The following C9orf43 variants were observed in gnomAD, a reference collection of about 807,000 sequenced individuals.
The protein encoded by C9orf43 is uncharacterized protein C9orf43.
In C9orf43, 45 loss-of-function variants were observed where a neutral mutation model predicts 59.1. The ratio of observed to expected loss-of-function variants is 0.76; its 90% confidence interval spans 0.60 to 0.98. The LOEUF is 0.98. C9orf43 is among the 50% of genes least tolerant of loss of function. The probability of loss-of-function intolerance (pLI) is 0.00; values close to 1 mark genes in which losing one functional copy is unlikely to be tolerated. For missense variants in C9orf43, 533 were observed against 554.9 expected (o/e 0.96, Z 0.40); for synonymous variants, 203 against 196.8 (o/e 1.03, Z -0.26).
At chr9:113,429,072 A>G in intron 13 of C9orf43, 100 bp from the exon 14 acceptor site, 1 of 1,496,636 alleles carries the variant, frequency 6.7e-7, no homozygotes, top group East Asian at 2.3e-5. Context: ...CCTCTATCTC[A>G]GAGAAGTCCT....
intron 3 of C9orf43, among the ~76,000 whole-genome samples, chr9:113,414,366 C>G (rs2119057474): frequency 6.6e-6 from 1 of 152,136 alleles, no homozygotes; most frequent in South Asian, 2.1e-4. Flanking sequence ...CCTCAACTTT[C>G]TGGGCTCAAG....
Position 113,425,043 on chromosome 9 carries a change from C to A in C9orf43, c.832C>A (p.Arg278Ser). ...GAGACCAGCACTGCGATATCCTGAACGTTTGAAGAAATTACATAACCTGAA... is the reference window on the plus strand; with the variant it reads ...GAGACCAGCACTGCGATATCCTGAAAGTTTGAAGAAATTACATAACCTGAA... ...LERPALRYPE[R>S]LKKLHNLKTE... The change falls in exon 9 of 14, where the codon CGT (arginine) becomes AGT (serine). Residue 278 changes from arginine to serine, a missense_variant. Coordinates refer to ENST00000374165, the MANE Select transcript of C9orf43 (RefSeq NM_001278629.2). 6.2e-7 allele frequency: 1 copy of A among 1,612,796 alleles called. No individual in the cohort carries two copies. Among genetic ancestry groups the A allele is most frequent in the Non-Finnish European group, 8.5e-7 (1 of 1,179,920 alleles).
Position 113,423,515 on chromosome 9 carries a change from T to C in C9orf43, c.656+17T>C. The C allele has an allele frequency of 6.2e-7, 1 of 1,603,482 alleles. No individual in the cohort carries two copies. Among genetic ancestry groups the C allele is most frequent in the South Asian group, 1.1e-5 (1 of 90,878 alleles). ...ACTGAAGGAGTAAGTATCATGTAGG[T>C]CTGTGGGAGAGCCAGAGCACCTGCT... On this transcript the variant is annotated intron_variant, in intron 7 of 13. Coordinates refer to ENST00000374165, the MANE Select transcript of C9orf43 (RefSeq NM_001278629.2).
intron 3 of C9orf43, among the ~76,000 whole-genome samples, chr9:113,417,899 C>CT (rs1828427654): frequency 6.6e-6 from 1 of 152,092 alleles, no homozygotes. Flanking sequence ...AGTGTTAGGT[C>CT]TTTATCTTTT....
At position 113,424,248 on chromosome 9, in the gene C9orf43, G is replaced by C; in HGVS notation, c.739G>C (p.Glu247Gln). ...LAMMKKNLPL[E>Q]KNRPDSVISS... ...CATGATGAAAAAGAATCTTCCCTTG[G>C]AAAAGAACCGACCTGACAGTGTGAT... Residue 247 changes from glutamate (E) to glutamine (Q), a missense_variant, in exon 8 of 14, where the codon GAA becomes CAA. Coordinates refer to ENST00000374165, the MANE Select transcript of C9orf43 (RefSeq NM_001278629.2). 1 of 1,614,026 alleles carries C rather than the reference G, an allele frequency of 6.2e-7. No homozygotes were observed. Among genetic ancestry groups the C allele is most frequent in the Non-Finnish European group, 8.5e-7 (1 of 1,179,956 alleles).
chr9:113,412,559 A>C (rs1259516031), intron 1 of C9orf43, among the ~76,000 whole-genome samples: 2 of 152,342 alleles, frequency 1.3e-5, no homozygotes, highest in African/African-American at 2.4e-5. Context: ...ATTGCCTAAA[A>C]CACCTCTAGA....
chr9:113,421,147 A>G lies in C9orf43; in HGVS notation c.390A>G (p.Glu130=), dbSNP rs1828551538. ...ATGAGACGCAACTTCCCTGCCCTGAAGATGTTAGAAATATGGTTGTATTGT... is the reference window on the plus strand; with the variant it reads ...ATGAGACGCAACTTCCCTGCCCTGAGGATGTTAGAAATATGGTTGTATTGT... ...NLNETQLPCP[E]DVRNMVVLWI... The change falls in exon 5 of 14, where the codon GAA becomes GAG. Residue 130 remains glutamate (E), a synonymous_variant. Transcript: ENST00000374165. 1 of 1,613,648 alleles carries G rather than the reference A, an allele frequency of 6.2e-7. No homozygotes were observed. Among genetic ancestry groups the G allele is most frequent in the African/African-American group, 1.3e-5 (1 of 74,828 alleles).
At chr9:113,427,250 A>C (rs1828825215) in intron 11 of C9orf43, among the ~76,000 whole-genome samples, 1 of 150,162 alleles carries the variant, frequency 6.7e-6, no homozygotes, top group Non-Finnish European at 1.5e-5. Flanking sequence ...GCTCACCACA[A>C]CCTCTGCCTT....
intron 4 of C9orf43, among the ~76,000 whole-genome samples, chr9:113,419,637 C>T (rs1242622796): frequency 1.3e-5 from 2 of 151,876 alleles, no homozygotes; most frequent in Admixed American, 1.3e-4. Context: ...ATATTTTCTG[C>T]CCTATTCTGT....
intron 3 of C9orf43, among the ~76,000 whole-genome samples, chr9:113,417,756 G>C (rs1276962434): frequency 6.6e-6 from 1 of 152,204 alleles, no homozygotes; most frequent in Non-Finnish European, 1.5e-5. Flanking sequence ...AATTGTGTCT[G>C]TATCAGGAAA....
Position 113,423,342 on chromosome 9 carries a change from T to C in C9orf43, c.500T>C (p.Leu167Pro). 1 of 1,613,920 alleles carries C rather than the reference T, an allele frequency of 6.2e-7. No homozygotes were observed. The highest frequency in any genetic ancestry group is 8.5e-7 in the Non-Finnish European group (1 of 1,179,848). Residue 167 changes from leucine to proline, a missense_variant, in exon 7 of 14, where the codon CTG (leucine) becomes CCG (proline). Transcript: ENST00000374165. ...KNSAVKSKSF[L>P]GLSGNQSAGT... ...CTCTTCCAGAAAAGCAAGTCATTTCTGGGTCTCTCTGGAAATCAGTCCGCA... is the reference window on the plus strand; with the variant it reads ...CTCTTCCAGAAAAGCAAGTCATTTCCGGGTCTCTCTGGAAATCAGTCCGCA...
intron 8 of C9orf43, 91 bp from the exon 9 acceptor site, chr9:113,424,928 T>A: frequency 1.8e-6 from 2 of 1,108,250 alleles, no homozygotes; most frequent in Non-Finnish European, 2.6e-6. Context: ...ATGTGCTTGT[T>A]GACTGGATGA....
At chr9:113,414,033 A>C in intron 3 of C9orf43, 139 bp downstream of exon 3, 1 of 913,946 alleles carries the variant, frequency 1.1e-6, no homozygotes, top group Non-Finnish European at 1.6e-6. Context: ...GTGAATAGGC[A>C]GTGGGAAACA....
chr9:113,415,811 C>G (rs1254701973), intron 3 of C9orf43, among the ~76,000 whole-genome samples: 3 of 152,128 alleles, frequency 2.0e-5, no homozygotes, highest in Non-Finnish European at 4.4e-5. Flanking sequence ...AATAAAGCAC[C>G]AGTGGTGGCT....
In C9orf43 at chr9:113,423,433, ATTCAG is replaced by A. The variant is rs1564410670; in HGVS notation, c.597_601del (p.Ser199ArgfsTer52). On this transcript the variant is annotated frameshift_variant, in exon 7 of 14. Transcript: ENST00000374165. LOFTEE classifies it high-confidence loss of function. Reference sequence around the variant, plus strand: ...CAACCCCAGTGCAATTGTCTGAACAATTCAGTTCAGATTTCCTACCTCTCTGGGCT... The same window carrying A: ...CAACCCCAGTGCAATTGTCTGAACAATTCAGATTTCCTACCTCTCTGGGCT... 6.2e-7 allele frequency: 1 copy of A among 1,614,028 alleles called. No individual in the cohort carries two copies. Among genetic ancestry groups the A allele is most frequent in the East Asian group, 2.2e-5 (1 of 44,880 alleles).
intron 13 of C9orf43, 57 bp downstream of exon 13, chr9:113,429,020 C>T: frequency 2.6e-6 from 4 of 1,539,790 alleles, no homozygotes; most frequent in Non-Finnish European, 3.6e-6. Context: ...GAGAGTTGAA[C>T]CTGTGTTGAC....
At chr9:113,420,962 G>T in intron 4 of C9orf43, 141 bp from the exon 5 acceptor site, 1 of 843,274 alleles carries the variant, frequency 1.2e-6, no homozygotes, top group Non-Finnish European at 1.8e-6. Flanking sequence ...TTTTTTTTGG[G>T]AGAATATTAT....
Position 113,413,996 on chromosome 9 carries a change from G to T in C9orf43, c.287+102G>T, listed in dbSNP as rs1828268407. The stretch of plus-strand genomic sequence containing the variant: ...TACTTTGAGAAAGCTAGATTAAAAA[G>T]AAAATACCAATTGGGTTAAAGAAGT... On this transcript the variant is annotated intron_variant, in intron 3 of 13. Transcript: ENST00000374165. 4 of 1,295,242 alleles carry T rather than the reference G, an allele frequency of 3.1e-6. No homozygotes were observed. The East Asian group carries it at 9.5e-5, about 31-fold the overall frequency. 80.2% of individuals were successfully genotyped at this position (1,295,242 alleles called of 1,614,324 possible). A position where few individuals can be genotyped will look rare whatever the true frequency, so the allele number is the denominator to read the frequency against.
At position 113,413,911 on chromosome 9, in the gene C9orf43, TCTTC is replaced by T. The variant is rs759438202; in HGVS notation, c.287+21_287+24del. On this transcript the variant is annotated intron_variant, in intron 3 of 13. Coordinates refer to ENST00000374165, the MANE Select transcript of C9orf43 (RefSeq NM_001278629.2). Reference sequence around the variant, plus strand: ...TCATGGCAGGTAAATTATCATGGAATCTTCCTTTACAGCCTATTGTCTCAAAATT... The same window carrying T: ...TCATGGCAGGTAAATTATCATGGAATCTTTACAGCCTATTGTCTCAAAATT... 6.9e-6 allele frequency: 11 copies of T among 1,604,350 alleles called. No individual in the cohort carries two copies. The African/African-American group carries it at 1.3e-4, about 20-fold the overall frequency.
Sources: allele counts gnomAD v4.1 joint callset (sites outside exome capture counted in the v4.1 genomes callset), GRCh38; gene constraint gnomAD v4.1.1; transcripts MANE v1.5; gene names NCBI Gene and HGNC (gene_info 2026-07-23, HGNC 2026-07-21).